The following PLB1 variants were observed in gnomAD, a reference collection of about 807,000 sequenced individuals.
PLB1 encodes phospholipase B1, also known as phospholipase B1, membrane-associated.
Under a neutral mutation model 227.4 loss-of-function variants are expected in PLB1, and 242 were observed. The observed-to-expected ratio is 1.06, with a 90% CI of 0.96 to 1.18. The LOEUF (loss-of-function observed/expected upper bound fraction) is 1.18. PLB1 is among the 50% of genes most tolerant of loss of function. The pLI is 0.00. For missense variants in PLB1, 1,858 were observed against 1,816.3 expected (o/e 1.02, Z -0.42); for synonymous variants, 757 against 682.2 (o/e 1.11, Z -1.71).
At chr2:28,540,880 G>C (rs564759157) in intron 12 of PLB1, among the ~76,000 whole-genome samples, 1 of 152,166 alleles carries the variant, frequency 6.6e-6, no homozygotes, top group African/African-American at 2.4e-5. Flanking sequence ...CCCCAAGAGA[G>C]GGTGAAGGGG....
At chr2:28,554,318 TAG>T (rs10601884) in intron 17 of PLB1, among the ~76,000 whole-genome samples, 134,924 of 150,204 alleles carry the variant, frequency 0.9, 60,900 homozygotes, top group East Asian at 0.99. Flanking sequence ...TATGTCTATA[TAG>T]AGAGAGAGAG....
At chr2:28,582,652 G>A (rs1680232960) in intron 25 of PLB1, 147 bp downstream of exon 25, 1 of 662,378 alleles carries the variant, frequency 1.5e-6, no homozygotes, top group Non-Finnish European at 2.6e-6. Flanking sequence ...AGCCTAAGGG[G>A]AGGATATCCT....
intron 1 of PLB1, among the ~76,000 whole-genome samples, 174 bp downstream of exon 1, chr2:28,496,343 C>G (rs1042010213): frequency 3.3e-5 from 5 of 152,142 alleles, no homozygotes; most frequent in African/African-American, 1.2e-4. Context: ...GATGCAGAGG[C>G]TGCCTACACA....
At chr2:28,577,991 C>T (rs1446786628) in intron 21 of PLB1, 116 bp from the exon 22 acceptor site, 2 of 975,106 alleles carry the variant, frequency 2.1e-6, no homozygotes, top group African/African-American at 3.2e-5. Flanking sequence ...GTCCATTTTC[C>T]TGCAGGAGGC....
Position 28,532,206 on chromosome 2 carries a change from C to T in PLB1, c.555+12C>T, listed in dbSNP as rs770545994. On this transcript the variant is annotated intron_variant, in intron 9 of 57. Transcript: ENST00000327757. ...CCTCTGCTCAACAGGTAAATGGCAGCCTTGGGGACCAAGGGATTACAGATG... is the reference window on the plus strand; with the variant it reads ...CCTCTGCTCAACAGGTAAATGGCAGTCTTGGGGACCAAGGGATTACAGATG... 1.9e-6 allele frequency: 3 copies of T among 1,597,982 alleles called. No individual in the cohort carries two copies. Among genetic ancestry groups the T allele is most frequent in the East Asian group, 4.5e-5 (2 of 44,438 alleles).
chr2:28,629,561 A>C (rs1395619937), intron 53 of PLB1, among the ~76,000 whole-genome samples: 1 of 152,176 alleles, frequency 6.6e-6, no homozygotes, highest in Non-Finnish European at 1.5e-5. Context: ...TTTAGGAGCT[A>C]TGGGACCTTG....
At chr2:28,525,390 T>A (rs1189422472) in intron 5 of PLB1, 83 bp downstream of exon 5, 1 of 1,468,346 alleles carries the variant, frequency 6.8e-7, no homozygotes, top group African/African-American at 1.4e-5. Flanking sequence ...ATGGGAAAGA[T>A]TGGAGGCCAG....
intron 36 of PLB1, 121 bp from the exon 37 acceptor site, chr2:28,601,131 A>G (rs1184720566): frequency 1.4e-5 from 12 of 859,524 alleles, no homozygotes; most frequent in Non-Finnish European, 2.3e-5. Flanking sequence ...CAGTTCAGAG[A>G]TGCTGATTCC....
At chr2:28,517,368 A>G (rs1403891975) in intron 2 of PLB1, among the ~76,000 whole-genome samples, 2 of 152,170 alleles carry the variant, frequency 1.3e-5, no homozygotes, top group Non-Finnish European at 2.9e-5. Flanking sequence ...TTTGGGGGAA[A>G]AGACACAATC....
intron 43 of PLB1, among the ~76,000 whole-genome samples, chr2:28,612,097 G>A (rs1261404258): frequency 6.6e-6 from 1 of 152,182 alleles, no homozygotes; most frequent in African/African-American, 2.4e-5. Flanking sequence ...AGTGAGCCGA[G>A]ATCGCGCCAC....
rs1218363724 is a variant in PLB1, at chr2:28,630,607, A to G, written c.3840A>G (p.Arg1280=). 3.1e-6 allele frequency: 5 copies of G among 1,613,808 alleles called. No homozygotes were observed. The highest frequency in any genetic ancestry group is 4.2e-6 in the Non-Finnish European group (5 of 1,179,860). ...ACAGGAACAACTGCACTTGCCTCAG[A>G]CACTCGCAAAGCTCCCTGGAGAAGC... ...LAAQNNCTCL[R]HSQSSLEKQE... Residue 1280 remains arginine, a synonymous_variant, in exon 54 of 58, where the codon AGA becomes AGG. Transcript: ENST00000327757.
chr2:28,591,151 A>T lies in PLB1; in HGVS notation c.2107A>T (p.Thr703Ser). Residue 703 changes from threonine (T) to serine (S), a missense_variant, in exon 30 of 58, where the codon ACC (threonine) becomes TCC (serine). Coordinates refer to ENST00000327757, the MANE Select transcript of PLB1 (RefSeq NM_153021.5). ...CTCACAGGTCCAGCCGTTTCTGAGG[A>T]CCTACAAGAACAGCATGCAGGTACC... ...CPNQVQPFLR[T>S]YKNSMQGHGT... 6.2e-7 allele frequency: 1 copy of T among 1,614,150 alleles called. No individual in the cohort carries two copies. Among genetic ancestry groups the T allele is most frequent in the South Asian group, 1.1e-5 (1 of 91,082 alleles).
intron 21 of PLB1, among the ~76,000 whole-genome samples, chr2:28,574,384 CTTTT>C (rs70956023): frequency 1.4e-5 from 1 of 73,966 alleles, no homozygotes; most frequent in Admixed American, 2.0e-4. Flanking sequence ...TTATATCATT[CTTTT>C]TTTTTTTTTT....
chr2:28,582,032 C>T, intron 23 of PLB1, 36 bp from the exon 24 acceptor site: 2 of 1,579,214 alleles, frequency 1.3e-6, no homozygotes, highest in African/African-American at 1.3e-5. Context: ...GATTAGGTGA[C>T]AAATGGTGTT....
At chr2:28,582,212 C>G (rs1244254007) in intron 24 of PLB1, 79 bp downstream of exon 24, 2 of 1,489,064 alleles carry the variant, frequency 1.3e-6, no homozygotes, top group Non-Finnish European at 1.9e-6. Flanking sequence ...CTGCTGAGAC[C>G]TCCTTGGCAG....
At chr2:28,566,544 C>T (rs1676939147) in intron 19 of PLB1, 2 of 502,932 alleles carry the variant, frequency 4.0e-6, no homozygotes, top group East Asian at 6.4e-5. Context: ...AACCTACCTC[C>T]CCTTCCCCAA....
intron 49 of PLB1, among the ~76,000 whole-genome samples, chr2:28,623,084 A>AGCAC (rs1687260143): frequency 6.6e-6 from 1 of 152,216 alleles, no homozygotes; most frequent in Non-Finnish European, 1.5e-5. Context: ...AGCACACAGT[A>AGCAC]TGAACTGCAC....
chr2:28,584,298 G>A (rs376410151), intron 25 of PLB1, among the ~76,000 whole-genome samples: 1 of 152,230 alleles, frequency 6.6e-6, no homozygotes, highest in African/African-American at 2.4e-5. Flanking sequence ...CCTCACCTGG[G>A]GGACCCAAAC....
At chr2:28,530,399 T>G (rs965221108) in intron 8 of PLB1, among the ~76,000 whole-genome samples, 12 of 152,170 alleles carry the variant, frequency 7.9e-5, no homozygotes, top group Admixed American at 1.3e-4. Context: ...CAGCAAAGGG[T>G]TTTGGGAGCA....
Sources: allele counts gnomAD v4.1 joint callset (sites outside exome capture counted in the v4.1 genomes callset), GRCh38; gene constraint gnomAD v4.1.1; transcripts MANE v1.5; gene names NCBI Gene and HGNC (gene_info 2026-07-23, HGNC 2026-07-21).